SORBS2: variants seen among roughly 807,000 people sequenced by gnomAD.
SORBS2 encodes the protein sorbin and SH3 domain containing 2, also known as sorbin and SH3 domain-containing protein 2.
In SORBS2, 46 loss-of-function variants were observed where a neutral mutation model predicts 97.7. The ratio of observed to expected loss-of-function variants is 0.47; its 90% CI spans 0.37 to 0.60. SORBS2 has a LOEUF of 0.60. SORBS2 is among the 20% of genes least tolerant of loss of function. The probability of loss-of-function intolerance (pLI) is 0.00; values close to 1 mark genes in which losing one functional copy is unlikely to be tolerated. For missense variants in SORBS2, 1,316 were observed against 1,282.3 expected, an observed-to-expected ratio of 1.03 and a Z score of -0.40; for synonymous variants, 476 against 473.4, an observed-to-expected ratio of 1.01 and a Z score of -0.07.
intron 2 of SORBS2, among the ~76,000 whole-genome samples, chr4:185,731,165 G>A (rs1056992575): frequency 6.6e-6 from 1 of 152,042 alleles, no homozygotes; most frequent in African/African-American, 2.4e-5. Flanking sequence ...CTTTACTACA[G>A]TCTCATCTTG....
intron 2 of SORBS2, among the ~76,000 whole-genome samples, chr4:185,727,122 G>T (rs2098558726): frequency 6.6e-6 from 1 of 152,202 alleles, no homozygotes; most frequent in South Asian, 2.1e-4. Context: ...AAGTACACGT[G>T]CTCATCTCTT....
chr4:185,839,380 A>G (rs1201044249), intron 1 of SORBS2, among the ~76,000 whole-genome samples: 1 of 152,214 alleles, frequency 6.6e-6, no homozygotes. Context: ...GGGATTCCTC[A>G]GGCTATTTTA....
chr4:185,679,884 C>A (rs1020933543), intron 2 of SORBS2, among the ~76,000 whole-genome samples: 5 of 152,116 alleles, frequency 3.3e-5, no homozygotes, highest in Non-Finnish European at 7.4e-5. Flanking sequence ...CTGAGAAATG[C>A]GAGCATCTGA....
chr4:185,858,368 T>A (rs1435797411), intron 1 of SORBS2, among the ~76,000 whole-genome samples: 1 of 152,190 alleles, frequency 6.6e-6, no homozygotes, highest in African/African-American at 2.4e-5. Flanking sequence ...TAAATAAACC[T>A]CAATTCTTTA....
chr4:185,925,496 G>A (rs912253048), intron 1 of SORBS2, among the ~76,000 whole-genome samples: 1 of 152,082 alleles, frequency 6.6e-6, no homozygotes, highest in African/African-American at 2.4e-5. Context: ...TCCCCCCAGA[G>A]AGAACCATTA....
chr4:185,608,371 G>C (rs1313220313), intron 12 of SORBS2, among the ~76,000 whole-genome samples: 2 of 152,270 alleles, frequency 1.3e-5, no homozygotes, highest in East Asian at 3.9e-4. Flanking sequence ...AAAATCCAAA[G>C]TAAATATTTA....
intron 1 of SORBS2, among the ~76,000 whole-genome samples, chr4:185,778,122 T>A (rs2099009119): frequency 1.3e-5 from 2 of 152,332 alleles, no homozygotes; most frequent in South Asian, 4.1e-4. Flanking sequence ...ACTTGTTTCT[T>A]TTTTACTTTT....
At chr4:185,817,284 T>G (rs1197206026) in intron 1 of SORBS2, among the ~76,000 whole-genome samples, 2 of 151,838 alleles carry the variant, frequency 1.3e-5, no homozygotes, top group Non-Finnish European at 2.9e-5. Flanking sequence ...AACATATAAA[T>G]ACATCTTGCT....
chr4:185,784,321 G>A (rs930872913), intron 1 of SORBS2, among the ~76,000 whole-genome samples: 13 of 152,054 alleles, frequency 8.5e-5, no homozygotes, highest in African/African-American at 2.2e-4. Context: ...TAGTAGAGAC[G>A]GCATTTCACT....
intron 2 of SORBS2, 70 bp downstream of exon 11, chr4:185,651,714 G>C (rs1222323657): frequency 1.2e-6 from 1 of 857,450 alleles, no homozygotes; most frequent in East Asian, 2.4e-5. Context: ...GGGAAAAAAG[G>C]TGACCGTGTC....
intron 1 of SORBS2, 31 bp from the exon 2 acceptor site, chr4:185,775,397 TGA>T (rs2098994851): frequency 6.6e-6 from 1 of 152,440 alleles, no homozygotes; most frequent in African/African-American, 2.4e-5. Flanking sequence ...GAGAGGCAAA[TGA>T]GAGAGGGAAA....
At chr4:185,806,301 C>T (rs1001892813) in intron 1 of SORBS2, among the ~76,000 whole-genome samples, 1 of 152,210 alleles carries the variant, frequency 6.6e-6, no homozygotes, top group African/African-American at 2.4e-5. Flanking sequence ...AATAAATTTT[C>T]TCCAACATAG....
chr4:185,920,152 A>G (rs1293691965), intron 1 of SORBS2, among the ~76,000 whole-genome samples: 1 of 152,258 alleles, frequency 6.6e-6, no homozygotes, highest in Non-Finnish European at 1.5e-5. Context: ...TAAATATAAA[A>G]GTAGCATAAT....
At chr4:185,908,306 TA>T (rs2099252596) in intron 1 of SORBS2, among the ~76,000 whole-genome samples, 1 of 110,298 alleles carries the variant, frequency 9.1e-6, no homozygotes, top group Non-Finnish European at 1.9e-5. Flanking sequence ...TATATATATA[TA>T]TATATATATA....
intron 1 of SORBS2, among the ~76,000 whole-genome samples, chr4:185,845,017 C>G (rs1176895729): frequency 7.1e-6 from 1 of 140,338 alleles, no homozygotes; most frequent in Non-Finnish European, 1.6e-5. Flanking sequence ...GATGAAAATG[C>G]TTTTTTTTTT....
At chr4:185,608,975 G>A (rs2096486026) in intron 12 of SORBS2, among the ~76,000 whole-genome samples, 1 of 149,310 alleles carries the variant, frequency 6.7e-6, no homozygotes, top group Non-Finnish European at 1.5e-5. Flanking sequence ...AGTAGGAGTG[G>A]GGTATTAATT....
chr4:185,692,011 A>G (rs2098107543), intron 2 of SORBS2, among the ~76,000 whole-genome samples: 1 of 152,204 alleles, frequency 6.6e-6, no homozygotes, highest in Non-Finnish European at 1.5e-5. Flanking sequence ...CCTCCCAAAG[A>G]AAAAGGTTTT....
At chr4:185,842,907 C>A (rs2099212442) in intron 1 of SORBS2, among the ~76,000 whole-genome samples, 1 of 140,122 alleles carries the variant, frequency 7.1e-6, no homozygotes, top group African/African-American at 2.6e-5. Context: ...TGTACTCCAG[C>A]CTGGCGACAG....
At chr4:185,934,050 T>C (rs1046540292) in intron 1 of SORBS2, among the ~76,000 whole-genome samples, 10 of 152,220 alleles carry the variant, frequency 6.6e-5, no homozygotes, top group African/African-American at 7.2e-5. Context: ...ATAAAATCTT[T>C]AGGGAAGACA....
Sources: allele counts gnomAD v4.1 joint callset (sites outside exome capture counted in the v4.1 genomes callset), GRCh38; gene constraint gnomAD v4.1.1; transcripts MANE v1.5; gene names NCBI Gene and HGNC (gene_info 2026-07-23, HGNC 2026-07-21).